Variants in SMCO4 observed in about 807,000 individuals in gnomAD.
The protein encoded by SMCO4 is single-pass membrane protein with coiled-coil domains 4, also known as single-pass membrane and coiled-coil domain-containing protein 4.
SMCO4 carries 4 observed loss-of-function variants against 3.6 expected under a neutral mutation model. That is an observed-to-expected ratio of 1.11 (90% CI 0.54 to 2.53). The LOEUF (loss-of-function observed/expected upper bound fraction) is 2.53. Among genes scored for constraint, SMCO4 ranks in the 30% most tolerant of loss-of-function variants. SMCO4 has a pLI of 0.02. For missense variants in SMCO4, 70 were observed against 80.8 expected (o/e 0.87, Z 0.51); for synonymous variants, 36 against 35.3 (o/e 1.02, Z -0.07).
chr11:93,481,329 G>C, intron 2 of SMCO4: 3 of 580,504 alleles, frequency 5.2e-6, no homozygotes, highest in Non-Finnish European at 6.5e-6. Context: ...GCAGGGACGC[G>C]GTACAGGTGG....
intron 1 of SMCO4, among the ~76,000 whole-genome samples, chr11:93,534,053 T>A (rs558290288): frequency 6.6e-6 from 1 of 151,578 alleles, no homozygotes; most frequent in Non-Finnish European, 1.5e-5. Flanking sequence ...TAGCCAGGCG[T>A]GGTGGCGCAC....
intron 1 of SMCO4, among the ~76,000 whole-genome samples, chr11:93,531,853 T>C (rs1949165912): frequency 6.6e-6 from 1 of 152,164 alleles, no homozygotes; most frequent in Admixed American, 6.5e-5. Flanking sequence ...CTGAGATAAA[T>C]GCATATCTGC....
chr11:93,520,105 A>C (rs1949044370), intron 1 of SMCO4, among the ~76,000 whole-genome samples: 3 of 152,188 alleles, frequency 2.0e-5, no homozygotes, highest in African/African-American at 7.2e-5. Flanking sequence ...CTCAGGCCTG[A>C]TGAGAAACAA....
intron 1 of SMCO4, among the ~76,000 whole-genome samples, chr11:93,540,601 T>C (rs1949263654): frequency 6.6e-6 from 1 of 152,226 alleles, no homozygotes; most frequent in Non-Finnish European, 1.5e-5. Context: ...AACAAAATGG[T>C]ACATGGATTG....
At chr11:93,529,475 C>T (rs1188571610) in intron 1 of SMCO4, among the ~76,000 whole-genome samples, 1 of 152,096 alleles carries the variant, frequency 6.6e-6, no homozygotes, top group Non-Finnish European at 1.5e-5. Context: ...TGACATCGGC[C>T]TCCCAGATAA....
At chr11:93,532,675 G>C (rs1000729979) in intron 1 of SMCO4, among the ~76,000 whole-genome samples, 1 of 152,170 alleles carries the variant, frequency 6.6e-6, no homozygotes, top group Non-Finnish European at 1.5e-5. Flanking sequence ...AGACAGCAGA[G>C]GCAGAGACTG....
Position 93,478,921 on chromosome 11 carries a change from C to T in SMCO4, c.*89G>A. The stretch of plus-strand genomic sequence containing the variant: ...CCTGCTTACAGCTCAGCAACATGAA[C>T]ATCTCTGAATATGAAAGCCATTTTT... On this transcript the variant is annotated 3_prime_UTR_variant, in exon 3 of 3. Transcript: ENST00000298966. 1.3e-6 allele frequency: 2 copies of T among 1,483,372 alleles called. No homozygotes were observed. The highest frequency in any genetic ancestry group is 1.3e-5 in the South Asian group (1 of 74,946). 91.9% of individuals were successfully genotyped at this position (1,483,372 alleles called of 1,614,324 possible). A position where few individuals can be genotyped will look rare whatever the true frequency, so the allele number is the denominator to read the frequency against.
At chr11:93,525,784 GC>G (rs1949100591) in intron 1 of SMCO4, among the ~76,000 whole-genome samples, 1 of 152,130 alleles carries the variant, frequency 6.6e-6, no homozygotes, top group Non-Finnish European at 1.5e-5. Context: ...CATTCTCAAA[GC>G]CAAAAAACAA....
chr11:93,524,042 G>A (rs143691797), intron 1 of SMCO4, among the ~76,000 whole-genome samples: 27 of 152,228 alleles, frequency 1.8e-4, no homozygotes, highest in African/African-American at 6.5e-4. Flanking sequence ...TCAGGGGAGG[G>A]GAGTTTCTCA....
At chr11:93,534,964 T>G (rs549989678) in intron 1 of SMCO4, among the ~76,000 whole-genome samples, 53 of 152,338 alleles carry the variant, frequency 3.5e-4, no homozygotes, top group African/African-American at 1.2e-3. Flanking sequence ...AATAATCACA[T>G]GCAACTAGAA....
At chr11:93,518,725 A>G (rs1418128390) in intron 1 of SMCO4, among the ~76,000 whole-genome samples, 2 of 152,196 alleles carry the variant, frequency 1.3e-5, no homozygotes, top group African/African-American at 4.8e-5. Flanking sequence ...ATGTAATTCT[A>G]CCAAATAACT....
intron 1 of SMCO4, among the ~76,000 whole-genome samples, chr11:93,529,503 C>CT (rs1486719099): frequency 2.0e-5 from 3 of 152,126 alleles, no homozygotes; most frequent in Admixed American, 1.3e-4. Context: ...AAGCAGGCTG[C>CT]TTCTGGCACT....
chr11:93,502,387 C>T (rs1402524922), intron 1 of SMCO4, among the ~76,000 whole-genome samples: 1 of 152,110 alleles, frequency 6.6e-6, no homozygotes, highest in Non-Finnish European at 1.5e-5. Flanking sequence ...GGAGAAGGCA[C>T]TGGGGTGACT....
chr11:93,484,156 TGGGGACACTCCAAA>T (rs1565372219), intron 2 of SMCO4, among the ~76,000 whole-genome samples: 1 of 152,176 alleles, frequency 6.6e-6, no homozygotes, highest in African/African-American at 2.4e-5. Flanking sequence ...CCGGTCAGCA[TGGGGACACTCCAAA>T]TGGTCCCCAG....
intron 2 of SMCO4, among the ~76,000 whole-genome samples, chr11:93,493,238 G>A (rs1261795118): frequency 6.6e-6 from 1 of 152,118 alleles, no homozygotes. Context: ...GAAGCCTCCA[G>A]GTCAGCAAGA....
chr11:93,488,223 AGGCGG>A (rs1177736160), intron 2 of SMCO4, among the ~76,000 whole-genome samples: 1 of 152,226 alleles, frequency 6.6e-6, no homozygotes, highest in Non-Finnish European at 1.5e-5. Context: ...ACAGACCCTC[AGGCGG>A]GGCATCCCTT....
chr11:93,532,183 T>G (rs1386618052), intron 1 of SMCO4, among the ~76,000 whole-genome samples: 3 of 152,204 alleles, frequency 2.0e-5, no homozygotes, highest in African/African-American at 7.2e-5. Context: ...ACAGTCATAC[T>G]AGAATAGGGT....
At chr11:93,489,998 G>GT (rs1221632827) in intron 2 of SMCO4, among the ~76,000 whole-genome samples, 10 of 152,224 alleles carry the variant, frequency 6.6e-5, no homozygotes, top group Admixed American at 3.3e-4. Context: ...AGCAGCCCGG[G>GT]TAAGTGCAGG....
intron 2 of SMCO4, among the ~76,000 whole-genome samples, chr11:93,489,464 A>C (rs1198043568): frequency 2.0e-5 from 3 of 152,170 alleles, no homozygotes. Context: ...GGAGGCGATG[A>C]CTGAATGGGA....
Sources: allele counts gnomAD v4.1 joint callset (sites outside exome capture counted in the v4.1 genomes callset), GRCh38; gene constraint gnomAD v4.1.1; transcripts MANE v1.5; gene names NCBI Gene and HGNC (gene_info 2026-07-23, HGNC 2026-07-21).